The following ITSN2 variants were observed in gnomAD, a reference collection of about 807,000 sequenced individuals.
The protein encoded by ITSN2 is intersectin-2.
In ITSN2, 156 loss-of-function variants were observed where a neutral mutation model predicts 243.7. That is an observed-to-expected ratio of 0.64 (90% confidence interval 0.56 to 0.73). The LOEUF is 0.73. Among genes scored for constraint, ITSN2 ranks in the 30% least tolerant of loss-of-function variants. ITSN2 has a pLI of 0.00. For synonymous variants in ITSN2, 703 were observed against 699.9 expected (o/e 1.00, Z -0.07); for missense variants, 1,801 against 1,996.1 (o/e 0.90, Z 1.86).
chr2:24,351,918 TG>T (rs1479031139), intron 1 of ITSN2, among the ~76,000 whole-genome samples: 1 of 152,164 alleles, frequency 6.6e-6, no homozygotes, highest in Non-Finnish European at 1.5e-5. Flanking sequence ...AGTGAAAAGG[TG>T]AAAGTTCTCA....
intron 39 of ITSN2, 119 bp from the exon 40 acceptor site, chr2:24,203,902 G>A (rs909811107): frequency 2.6e-5 from 28 of 1,090,288 alleles, no homozygotes; most frequent in Middle Eastern, 2.3e-4. Flanking sequence ...ACTTCTTTTG[G>A]CTCATGGCTG....
rs1329737371 is a variant in ITSN2 at position 24,210,470 on chromosome 2, G to A, written c.4257+310C>T. 1.9e-5 allele frequency: 6 copies of A among 310,138 alleles called. No individual in the cohort carries two copies. The East Asian group carries it at 3.2e-4, about 17-fold the overall frequency. 19.2% of individuals were successfully genotyped at this position (310,138 alleles called of 1,614,324 possible). A position where few individuals can be genotyped will look rare whatever the true frequency, so the allele number is the denominator to read the frequency against. On this transcript the variant is annotated intron_variant, in intron 34 of 39. Coordinates refer to ENST00000355123, the MANE Select transcript of ITSN2 (RefSeq NM_006277.3). ...CTACTAAAAATACGAAAATTAGCTG[G>A]GCATCGTAGCAGATGCCTGTAGTCC...
rs1186918979 is a variant in ITSN2 at position 24,328,089 on chromosome 2, G to A, written c.-7C>T. ...TGGGAAACTGAGCCATCATGGTCCTGAGTTTTCCTTGCTAGCTCTCAGCCA... is the reference window on the plus strand; with the variant it reads ...TGGGAAACTGAGCCATCATGGTCCTAAGTTTTCCTTGCTAGCTCTCAGCCA... On this transcript the variant is annotated 5_prime_UTR_variant, in exon 2 of 40. Transcript: ENST00000355123. 6.2e-7 allele frequency: 1 copy of A among 1,613,456 alleles called. No individual in the cohort carries two copies. The highest frequency in any genetic ancestry group is 1.3e-5 in the African/African-American group (1 of 74,850).
chr2:24,204,236 G>A lies in ITSN2; in HGVS notation c.4936+9C>T, dbSNP rs780965819. On this transcript the variant is annotated intron_variant, in intron 39 of 39. Coordinates refer to ENST00000355123, the MANE Select transcript of ITSN2 (RefSeq NM_006277.3). The surrounding 1 kb of genome is among the most constrained non-coding windows in gnomAD (Gnocchi z 5.1). The stretch of plus-strand genomic sequence containing the variant: ...AAGCCTTTAGATCCCCTGGCTGAGC[G>A]ACACTTACCATCTGGTGAAAACTGG... The A allele has an allele frequency of 2.0e-5, 32 of 1,613,426 alleles. No homozygotes were observed. The Middle Eastern group carries it at 5.2e-4, about 26-fold the overall frequency.
chr2:24,251,309 C>CAAAAAAAAAAT lies in ITSN2; in HGVS notation c.3120+1035_3120+1036insATTTTTTTTTT, dbSNP rs1275035112. Reference sequence around the variant, plus strand: ...TGGGCAACAGAACTAAACTCCATCTCAAAAAAAAAAAAAAATAAAATATAT... The same window carrying CAAAAAAAAAAT: ...TGGGCAACAGAACTAAACTCCATCTCAAAAAAAAAATAAAAAAAAAAAAAAATAAAATATAT... On this transcript the variant is annotated intron_variant, in intron 25 of 39. Coordinates refer to ENST00000355123, the MANE Select transcript of ITSN2 (RefSeq NM_006277.3). 6.3e-3 allele frequency among the ~76,000 whole-genome samples: 138 copies of CAAAAAAAAAAT among 22,010 alleles called. 66 individuals carry two copies. Among genetic ancestry groups the CAAAAAAAAAAT allele is most frequent in the East Asian group, 0.012 (12 of 986 alleles). The allele number at this position is 22,010 out of a possible 152,430, so 14.4% of individuals were successfully genotyped here.
chr2:24,279,877 C>T (rs1161216033), intron 17 of ITSN2, among the ~76,000 whole-genome samples: 1 of 151,756 alleles, frequency 6.6e-6, no homozygotes, highest in African/African-American at 2.4e-5. Flanking sequence ...GGACTATAGG[C>T]GTCTGCCACC....
chr2:24,320,998 G>C (rs1416911562), intron 2 of ITSN2, among the ~76,000 whole-genome samples: 1 of 152,188 alleles, frequency 6.6e-6, no homozygotes, highest in Admixed American at 6.5e-5. Context: ...GTACACTCAT[G>C]AGAAAATTTG....
intron 31 of ITSN2, among the ~76,000 whole-genome samples, 162 bp downstream of exon 31, chr2:24,217,745 A>G (rs1670103987): frequency 6.6e-6 from 1 of 152,214 alleles, no homozygotes; most frequent in Non-Finnish European, 1.5e-5. Context: ...TGTATTTTAC[A>G]GTCACAGGAT....
chr2:24,276,918 T>C (rs1678081288), intron 17 of ITSN2, among the ~76,000 whole-genome samples: 1 of 152,050 alleles, frequency 6.6e-6, no homozygotes, highest in African/African-American at 2.4e-5. Context: ...AAATAAGACC[T>C]GGGGATAGGA....
At chr2:24,317,132 G>A (rs1684027760) in intron 2 of ITSN2, among the ~76,000 whole-genome samples, 1 of 152,208 alleles carries the variant, frequency 6.6e-6, no homozygotes, top group African/African-American at 2.4e-5. Context: ...TGTAATCCCA[G>A]CACTTTGGGA....
rs74331300 is a variant in ITSN2, at chr2:24,262,893, C to A, written c.2356-1151G>T. On this transcript the variant is annotated intron_variant, in intron 20 of 39. Transcript: ENST00000355123. ...AATTTAGTCATTCTAAATAAAAAAT[C>A]TTTGGCTCTTACCTCTTTTACACTT... Among the ~76,000 whole-genome samples, 1,101 of 152,258 alleles carry A rather than the reference C, an allele frequency of 7.2e-3. 8 individuals are homozygous for A. Among genetic ancestry groups the A allele is most frequent in the African/African-American group, 0.026 (1,060 of 41,548 alleles).
chr2:24,361,284 T>C (rs1427173473), upstream of ITSN2, among the ~76,000 whole-genome samples: 1 of 151,990 alleles, frequency 6.6e-6, no homozygotes, highest in African/African-American at 2.4e-5. Context: ...GTCTCTTTTC[T>C]CCCCTCCCGG....
At chr2:24,320,444 A>G (rs2384003) in intron 2 of ITSN2, among the ~76,000 whole-genome samples, 131,784 of 135,766 alleles carry the variant, frequency 0.97, 63,935 homozygotes, top group East Asian at 0.98. Context: ...GCGTGAACCC[A>G]GGAAGCGGAG....
intron 2 of ITSN2, among the ~76,000 whole-genome samples, chr2:24,323,034 T>A (rs1205753463): frequency 6.6e-6 from 1 of 151,560 alleles, no homozygotes; most frequent in Non-Finnish European, 1.5e-5. Flanking sequence ...TCTATTAGCA[T>A]GTCTGAAAAT....
chr2:24,252,395 C>T lies in ITSN2; in HGVS notation c.3070G>A (p.Asp1024Asn). Reference protein sequence around the residue: ...DGEWWTGSIGDRSGIFPSNYV... With the variant: ...DGEWWTGSIGNRSGIFPSNYV... ...TTTGATGGAAAAATTCCACTTCTAT[C>T]TCCAATACTTCCTGTCCACCACTCT... The change falls in exon 25 of 40, where the codon GAT (aspartate) becomes AAT (asparagine). Residue 1024 changes from aspartate to asparagine, a missense_variant. Physicochemically the swap from Asp to Asn is conservative, Grantham distance 23 (BLOSUM62 1). This residue lies in a region of ITSN2 where 928 missense variants were observed against 1,065.4 expected (regional missense o/e 0.87). Coordinates refer to ENST00000355123, the MANE Select transcript of ITSN2 (RefSeq NM_006277.3). The T allele has an allele frequency of 6.2e-7, 1 of 1,613,226 alleles. No individual in the cohort carries two copies. Among genetic ancestry groups the T allele is most frequent in the East Asian group, 2.2e-5 (1 of 44,802 alleles).
intron 1 of ITSN2, among the ~76,000 whole-genome samples, chr2:24,352,593 C>T (rs1574410798): frequency 6.6e-6 from 1 of 152,072 alleles, no homozygotes; most frequent in Non-Finnish European, 1.5e-5. Context: ...ATTTAGCAAC[C>T]TCAGTTTAGA....
In ITSN2 at chr2:24,310,648, G is replaced by A. The variant is rs144746035; in HGVS notation, c.397C>T (p.Pro133Ser). 1.4e-5 allele frequency: 22 copies of A among 1,614,156 alleles called. No homozygotes were observed. The African/African-American group carries it at 2.3e-4, about 17-fold the overall frequency. Residue 133 changes from proline to serine, a missense_variant, in exon 6 of 40, where the codon CCA (proline) becomes TCA (serine). Around this residue, in one of 5 missense-constraint regions of ITSN2, gnomAD observed 787 missense variants for 803.9 expected, o/e 0.98. Coordinates refer to ENST00000355123, the MANE Select transcript of ITSN2 (RefSeq NM_006277.3). ...GACAATGATGTTATAGGTGCAGCTG[G>A]AGGCAATGGCTGAGGAATGGACAGA... ...PNLSIPQPLP[P>S]AAPITSLSSA...
intron 1 of ITSN2, chr2:24,334,838 C>G (rs1002798799): frequency 2.6e-6 from 2 of 779,250 alleles, no homozygotes; most frequent in African/African-American, 3.5e-5. Flanking sequence ...CCGAGGCGGG[C>G]GGATCACGAG....
Position 24,204,781 on chromosome 2 carries a change from C to T in ITSN2, c.4763-363G>A, listed in dbSNP as rs370635417. On this transcript the variant is annotated intron_variant, in intron 38 of 39. Coordinates refer to ENST00000355123, the MANE Select transcript of ITSN2 (RefSeq NM_006277.3). The surrounding 1 kb of genome is among the most constrained non-coding windows in gnomAD (Gnocchi z 5.1). ...GTGATAAGAATATTGGTCCAATATG[C>T]GCATTTTAGTGGCACTGGACACACT... 3.1e-5 allele frequency: 15 copies of T among 479,720 alleles called. No homozygotes were observed. The highest frequency in any genetic ancestry group is 2.5e-4 in the East Asian group (4 of 16,094). The allele number at this position is 479,720 out of a possible 1,614,324, so 29.7% of individuals were successfully genotyped here. A position where few individuals can be genotyped will look rare whatever the true frequency, so the allele number is the denominator to read the frequency against.
Sources: gnomAD v4.1 joint callset for allele counts (sites outside exome capture counted in the v4.1 genomes callset) on GRCh38, gnomAD v4.1.1 for gene constraint, gnomAD v4.1.1 regional missense constraint, Gnocchi (gnomAD v3.1) non-coding constraint, MANE v1.5 for transcripts, NCBI Gene and HGNC (gene_info 2026-07-23, HGNC 2026-07-21) for gene names.